ZNF565: variants seen among roughly 807,000 people sequenced by gnomAD.
The protein encoded by ZNF565 is zinc finger protein 565.
Under a neutral mutation model 39.4 loss-of-function variants are expected in ZNF565, and 27 were observed. The ratio of observed to expected loss-of-function variants is 0.69; its 90% CI spans 0.51 to 0.95. ZNF565 has a LOEUF of 0.95. Among genes scored for constraint, ZNF565 ranks in the 40% least tolerant of loss-of-function variants. The pLI, the probability that ZNF565 is intolerant of heterozygous loss-of-function variation, is 0.00. For synonymous variants in ZNF565, 185 were observed against 216.6 expected (o/e 0.85, Z 1.28); for missense variants, 524 against 621.1 (o/e 0.84, Z 1.66).
At chr19:36,226,698 C>T (rs1977081752) in intron 1 of ZNF565, among the ~76,000 whole-genome samples, 1 of 152,164 alleles carries the variant, frequency 6.6e-6, no homozygotes, top group Non-Finnish European at 1.5e-5. Context: ...TGATCAAAAT[C>T]GGGAAGTTTA....
intron 1 of ZNF565, among the ~76,000 whole-genome samples, chr19:36,207,949 A>T (rs534170761): frequency 6.6e-6 from 1 of 152,300 alleles, no homozygotes; most frequent in Admixed American, 6.5e-5. Context: ...TGACTCTGTA[A>T]GCCACTGAGA....
In ZNF565 at chr19:36,183,146, T is replaced by C. The variant is rs1975147294; in HGVS notation, c.820A>G (p.Thr274Ala). The change falls in exon 5 of 5, where the codon ACA (threonine) becomes GCA (alanine). Residue 274 changes from threonine (T) to alanine (A), a missense_variant. Physicochemically the swap from Thr to Ala is moderately conservative, Grantham distance 58. Coordinates refer to ENST00000304116, the MANE Select transcript of ZNF565 (RefSeq NM_152477.5). Reference protein sequence around the residue: ...SQLILHQRTHTGEKPYVCKDC... With the variant: ...SQLILHQRTHAGEKPYVCKDC... ...TTACATACGTAGGGTTTCTCGCCTGTGTGAGTTCTTTGATGCAGAATCAGC... is the reference window on the plus strand; with the variant it reads ...TTACATACGTAGGGTTTCTCGCCTGCGTGAGTTCTTTGATGCAGAATCAGC... The C allele has an allele frequency of 6.2e-7, 1 of 1,614,174 alleles. No individual in the cohort carries two copies. Among genetic ancestry groups the C allele is most frequent in the Non-Finnish European group, 8.5e-7 (1 of 1,180,040 alleles).
chr19:36,190,876 C>T (rs1273078013), intron 4 of ZNF565, among the ~76,000 whole-genome samples: 1 of 151,028 alleles, frequency 6.6e-6, no homozygotes, highest in Non-Finnish European at 1.5e-5. Flanking sequence ...CCTGTATTCC[C>T]AACTACTTGG....
rs112995919 is a variant in ZNF565 at position 36,190,648 on chromosome 19, T to C, written c.232+3585A>G. On this transcript the variant is annotated intron_variant, in intron 4 of 4. Coordinates refer to ENST00000304116, the MANE Select transcript of ZNF565 (RefSeq NM_152477.5). The stretch of plus-strand genomic sequence containing the variant: ...ACAAGATGGCGAGATTATCCCAGTT[T>C]ATCTGGGTGGACACAATGTATTCAC... Among the ~76,000 whole-genome samples the C allele has an allele frequency of 5.5e-3, 832 of 150,976 alleles. 6 individuals are homozygous for C. Among genetic ancestry groups the C allele is most frequent in the African/African-American group, 0.015 (624 of 41,084 alleles).
In ZNF565 at chr19:36,182,940, C is replaced by T; in HGVS notation, c.1026G>A (p.Lys342=). The change falls in exon 5 of 5, where the codon AAG becomes AAA. Residue 342 remains lysine, a synonymous_variant. Coordinates refer to ENST00000304116, the MANE Select transcript of ZNF565 (RefSeq NM_152477.5). ...EKPYECKECG[K]GFIHSSEVTR... ...TAACTTCTGAGCTGTGAATAAAGCC[C>T]TTTCCGCATTCCTTACACTCGTAGG... The T allele has an allele frequency of 6.2e-7, 1 of 1,613,908 alleles. No individual in the cohort carries two copies. Among genetic ancestry groups the T allele is most frequent in the Non-Finnish European group, 8.5e-7 (1 of 1,179,988 alleles).
intron 4 of ZNF565, among the ~76,000 whole-genome samples, chr19:36,189,987 C>A (rs189812311): frequency 1.3e-5 from 2 of 151,932 alleles, no homozygotes; most frequent in Admixed American, 1.3e-4. Context: ...GCACCTGCCA[C>A]CACACATGGC....
At chr19:36,211,488 A>AC (rs1568423884) in intron 1 of ZNF565, among the ~76,000 whole-genome samples, 2 of 111,754 alleles carry the variant, frequency 1.8e-5, no homozygotes, top group African/African-American at 6.6e-5. Context: ...CACACACACA[A>AC]TTCTAATTAA....
chr19:36,183,464 C>G lies in ZNF565; in HGVS notation c.502G>C (p.Glu168Gln), dbSNP rs1042906541. 6.2e-6 allele frequency: 10 copies of G among 1,614,230 alleles called. No individual in the cohort carries two copies. The highest frequency in any genetic ancestry group is 8.5e-6 in the Non-Finnish European group (10 of 1,180,046). The part of the protein sequence containing the change: ...QSRETGEKLM[E>Q]CHECGKAFSR... ...AATGCTTTCCCACATTCATGACATTCCATCAGTTTCTCACCAGTCTCCCTG... is the reference window on the plus strand; with the variant it reads ...AATGCTTTCCCACATTCATGACATTGCATCAGTTTCTCACCAGTCTCCCTG... The change falls in exon 5 of 5, where the codon GAA (glutamate) becomes CAA (glutamine). Residue 168 changes from glutamate to glutamine, a missense_variant. By Grantham distance (29) the Glu-to-Gln change is conservative. Transcript: ENST00000304116.
chr19:36,188,781 A>C (rs1333285355), intron 4 of ZNF565, among the ~76,000 whole-genome samples: 1 of 152,162 alleles, frequency 6.6e-6, no homozygotes, highest in Non-Finnish European at 1.5e-5. Context: ...GTGTGTATAT[A>C]ATATGTACAC....
chr19:36,194,926 GT>G, intron 3 of ZNF565, 103 bp downstream of exon 3: 1 of 1,566,650 alleles, frequency 6.4e-7, no homozygotes, highest in East Asian at 2.2e-5. Flanking sequence ...TCCTGTGACA[GT>G]TTCCTCTCCT....
chr19:36,194,702 C>T (rs1003869079), intron 3 of ZNF565: 11 of 484,192 alleles, frequency 2.3e-5, no homozygotes, highest in Admixed American at 9.9e-5. Flanking sequence ...TCTGGGATCC[C>T]GACAGCTCAC....
intron 1 of ZNF565, chr19:36,238,291 A>G (rs1268020798): frequency 6.0e-6 from 1 of 167,144 alleles, no homozygotes; most frequent in Non-Finnish European, 1.5e-5. Context: ...AGTACTATCT[A>G]TTGGTAATGG....
At chr19:36,224,180 G>A (rs879740714) in intron 1 of ZNF565, among the ~76,000 whole-genome samples, 6 of 152,254 alleles carry the variant, frequency 3.9e-5, no homozygotes, top group Non-Finnish European at 8.8e-5. Flanking sequence ...TCAGGAGTTC[G>A]AGACCAGCCT....
At chr19:36,199,798 G>A (rs927543181) in intron 2 of ZNF565, among the ~76,000 whole-genome samples, 1 of 150,994 alleles carries the variant, frequency 6.6e-6, no homozygotes, top group Admixed American at 6.6e-5. Flanking sequence ...TTACAGGTGT[G>A]AGCCACCATG....
chr19:36,211,679 A>G (rs2145366627), intron 1 of ZNF565, among the ~76,000 whole-genome samples: 1 of 148,220 alleles, frequency 6.7e-6, no homozygotes, highest in East Asian at 2.1e-4. Context: ...TGTAGTCCCA[A>G]CTACTCGGGA....
intron 1 of ZNF565, among the ~76,000 whole-genome samples, chr19:36,241,212 G>T (rs902290614): frequency 6.6e-6 from 1 of 152,198 alleles, no homozygotes; most frequent in Non-Finnish European, 1.5e-5. Context: ...GATGTCGGGG[G>T]CAGTGGCTCA....
chr19:36,224,022 A>G (rs994454921), intron 1 of ZNF565, among the ~76,000 whole-genome samples: 6 of 152,036 alleles, frequency 3.9e-5, no homozygotes, highest in Non-Finnish European at 7.3e-5. Context: ...GGTGTATGCT[A>G]TCAGATATGC....
chr19:36,241,984 A>G (rs1977809439), intron 1 of ZNF565, among the ~76,000 whole-genome samples: 1 of 152,202 alleles, frequency 6.6e-6, no homozygotes, highest in Non-Finnish European at 1.5e-5. Flanking sequence ...ATATAATACC[A>G]AATATAATAC....
upstream of ZNF565, among the ~76,000 whole-genome samples, chr19:36,219,113 A>G (rs1032461954): frequency 2.0e-5 from 3 of 151,994 alleles, no homozygotes; most frequent in Non-Finnish European, 4.4e-5. Flanking sequence ...TGGCCACTTA[A>G]AATTTTCTGT....
Sources: gnomAD v4.1 joint callset for allele counts (sites outside exome capture counted in the v4.1 genomes callset) on GRCh38, gnomAD v4.1.1 for gene constraint, MANE v1.5 for transcripts, NCBI Gene and HGNC (gene_info 2026-07-23, HGNC 2026-07-21) for gene names.